Variants in HDDC2 observed in about 807,000 individuals in gnomAD.
HDDC2 encodes the protein 5'-deoxynucleotidase HDDC2.
HDDC2 carries 25 observed loss-of-function variants against 25.5 expected under a neutral mutation model. That is an observed-to-expected ratio of 0.98 (90% confidence interval 0.72 to 1.37). HDDC2 has a LOEUF of 1.37. Ranked by LOEUF, HDDC2 falls within the 40% of genes most tolerant of loss-of-function variation. The pLI, the probability that HDDC2 is intolerant of heterozygous loss-of-function variation, is 0.00. For synonymous variants in HDDC2, 106 were observed against 89.7 expected, an observed-to-expected ratio of 1.18 and a Z score of -1.03; for missense variants, 264 against 253.1, an observed-to-expected ratio of 1.04 and a Z score of -0.29.
intron 4 of HDDC2, chr6:125,277,631 G>GTT (rs1166595750): frequency 6.2e-6 from 1 of 161,032 alleles, no homozygotes; most frequent in Non-Finnish European, 1.3e-5. Flanking sequence ...TCTCAAACCT[G>GTT]TATTTCCCTC....
chr6:125,291,339 T>C (rs9491370), intron 4 of HDDC2, among the ~76,000 whole-genome samples: 32,884 of 152,148 alleles, frequency 0.22, 4,313 homozygotes, highest in African/African-American at 0.37. Flanking sequence ...TGAAGGCCTA[T>C]AATCTCTCAT....
intron 4 of HDDC2, chr6:125,279,307 G>A (rs1033119983): frequency 6.6e-6 from 1 of 152,200 alleles, no homozygotes. Flanking sequence ...CTTTCCAGGA[G>A]AGGGCCCACA....
chr6:125,279,803 T>G (rs1798430089), intron 4 of HDDC2, among the ~76,000 whole-genome samples: 1 of 151,884 alleles, frequency 6.6e-6, no homozygotes. Context: ...ATAAAAAGAA[T>G]AAGAAGCAAA....
chr6:125,280,592 A>G (rs534817380), intron 4 of HDDC2, among the ~76,000 whole-genome samples: 1 of 152,332 alleles, frequency 6.6e-6, no homozygotes, highest in Non-Finnish European at 1.5e-5. Flanking sequence ...AGTGTAAACA[A>G]AGCTGCTGGA....
In HDDC2 at chr6:125,292,898, C is replaced by T; in HGVS notation, c.321G>A (p.Lys107=). 9.9e-6 allele frequency: 16 copies of T among 1,611,550 alleles called. No individual in the cohort carries two copies. The highest frequency in any genetic ancestry group is 1.4e-5 in the Non-Finnish European group (16 of 1,177,766). The part of the protein sequence containing the change: ...EKHRREEEAM[K]QITQLLPEDL... ...CCTCTGGTAGGAGCTGGGTTATCTG[C>T]TTCATAGCTTCCTGAAATATTAAAC... is the stretch of plus-strand genomic sequence containing the variant. Residue 107 remains lysine (K), a synonymous_variant, in exon 4 of 6, where the codon AAG becomes AAA. Coordinates refer to ENST00000398153, the MANE Select transcript of HDDC2 (RefSeq NM_016063.3).
chr6:125,298,772 A>C lies in HDDC2; in HGVS notation c.251T>G (p.Val84Gly). The C allele has an allele frequency of 6.2e-7, 1 of 1,614,138 alleles. No homozygotes were observed. Among genetic ancestry groups the C allele is most frequent in the Non-Finnish European group, 8.5e-7 (1 of 1,180,022 alleles). Residue 84 changes from valine (V) to glycine (G), a missense_variant, in exon 3 of 6, where the codon GTT becomes GGT. Val to Gly is a moderately radical substitution (Grantham distance 109, BLOSUM62 -3). Coordinates refer to ENST00000398153, the MANE Select transcript of HDDC2 (RefSeq NM_016063.3). ...GTTATCTGCTGGTGCTATGTCCCCA[A>C]CGATGCATTCTGCCATATCATGAAC... Reference protein sequence around the residue: ...ALVHDMAECIVGDIAPADNIP... With the variant: ...ALVHDMAECIGGDIAPADNIP...
chr6:125,279,975 G>T (rs1410393372), intron 4 of HDDC2, among the ~76,000 whole-genome samples: 1 of 152,226 alleles, frequency 6.6e-6, no homozygotes, highest in Non-Finnish European at 1.5e-5. Flanking sequence ...AACAGCTCTG[G>T]TCTGCAGCTC....
At chr6:125,291,679 G>A (rs1461462904) in intron 4 of HDDC2, among the ~76,000 whole-genome samples, 3 of 152,148 alleles carry the variant, frequency 2.0e-5, no homozygotes, top group Non-Finnish European at 4.4e-5. Flanking sequence ...TCATTTTCTA[G>A]AGGAGAAAAT....
At chr6:125,292,523 C>T (rs1203601824) in intron 4 of HDDC2, among the ~76,000 whole-genome samples, 1 of 152,102 alleles carries the variant, frequency 6.6e-6, no homozygotes, top group Admixed American at 6.6e-5. Flanking sequence ...GGATTCAATC[C>T]CAGCTCTGAA....
intron 2 of HDDC2, among the ~76,000 whole-genome samples, chr6:125,299,646 C>G (rs191519997): frequency 2.6e-5 from 4 of 152,324 alleles, no homozygotes; most frequent in Admixed American, 6.5e-5. Flanking sequence ...AAATCCCAGA[C>G]TACTCCAAAC....
intron 3 of HDDC2, among the ~76,000 whole-genome samples, chr6:125,294,638 A>G (rs187487093): frequency 6.6e-6 from 1 of 152,362 alleles, no homozygotes; most frequent in East Asian, 1.9e-4. Context: ...ATACAGGTAT[A>G]TGAACATCTC....
intron 1 of HDDC2, among the ~76,000 whole-genome samples, chr6:125,300,923 T>C (rs1200722851): frequency 6.6e-6 from 1 of 152,182 alleles, no homozygotes; most frequent in African/African-American, 2.4e-5. Context: ...TGATGTATAA[T>C]TATGGAACAT....
At chr6:125,278,409 G>A (rs1798406162) in intron 4 of HDDC2, 1 of 151,828 alleles carries the variant, frequency 6.6e-6, no homozygotes, top group Non-Finnish European at 1.5e-5. Flanking sequence ...TTTTTCTGTT[G>A]AAAGTGAGAA....
Position 125,300,634 on chromosome 6 carries a change from T to C in HDDC2, c.110A>G (p.Tyr37Cys), listed in dbSNP as rs767498618. ...LKRVPRTGWV[Y>C]RNVQRPESVS... ...GCTCTCCGGCCTCTGGACATTTCTG[T>C]ATACCCAGCCAGTTCGTGGGACTCT... Residue 37 changes from tyrosine (Y) to cysteine (C), a missense_variant, in exon 2 of 6, where the codon TAC (tyrosine) becomes TGC (cysteine). Tyr to Cys is a radical substitution (Grantham distance 194). Transcript: ENST00000398153. 7 of 1,614,048 alleles carry C rather than the reference T, an allele frequency of 4.3e-6. 1 individual carries two copies. The Admixed American group carries it at 5.0e-5, about 12-fold the overall frequency.
intron 4 of HDDC2, chr6:125,278,134 G>T (rs73772420): frequency 6.6e-6 from 1 of 152,174 alleles, no homozygotes; most frequent in South Asian, 2.1e-4. Context: ...GATGTGATAT[G>T]AATCAATTAA....
At chr6:125,300,416 A>C (rs1006151198) in intron 2 of HDDC2, 122 bp downstream of exon 2, 22 of 1,221,504 alleles carry the variant, frequency 1.8e-5, no homozygotes, top group Non-Finnish European at 2.4e-5. Context: ...GGTTTGCTTC[A>C]AATAATTTTT....
intron 2 of HDDC2, 42 bp from the exon 3 acceptor site, chr6:125,298,858 T>A (rs1038179265): frequency 2.6e-5 from 36 of 1,361,420 alleles, no homozygotes; most frequent in Non-Finnish European, 3.7e-5. Flanking sequence ...CAGAATTATA[T>A]TTACTACAAG....
intron 3 of HDDC2, among the ~76,000 whole-genome samples, chr6:125,293,718 C>A (rs1043472206): frequency 6.6e-6 from 1 of 152,182 alleles, no homozygotes; most frequent in African/African-American, 2.4e-5. Flanking sequence ...CTCTCTAACC[C>A]ACAAACACAA....
rs1268675015 is a variant in HDDC2 at position 125,275,585 on chromosome 6, G to A, written c.*561C>T. The A allele has an allele frequency of 6.6e-6, 1 of 152,320 alleles. No homozygotes were observed. The highest frequency in any genetic ancestry group is 1.5e-5 in the Non-Finnish European group (1 of 68,202). 9.4% of individuals were successfully genotyped at this position (152,320 alleles called of 1,614,324 possible). ...AATGACAAAAAGTATTGGGAAGAGGGGCAGAGCCTATTAGTAGGTTTACAA... is the reference window on the plus strand; with the variant it reads ...AATGACAAAAAGTATTGGGAAGAGGAGCAGAGCCTATTAGTAGGTTTACAA... On this transcript the variant is annotated 3_prime_UTR_variant, in exon 6 of 6. Coordinates refer to ENST00000398153, the MANE Select transcript of HDDC2 (RefSeq NM_016063.3).
Sources: gnomAD v4.1 joint callset for allele counts (sites outside exome capture counted in the v4.1 genomes callset) on GRCh38, gnomAD v4.1.1 for gene constraint, MANE v1.5 for transcripts, NCBI Gene and HGNC (gene_info 2026-07-23, HGNC 2026-07-21) for gene names.